WWTR1: variants seen among roughly 807,000 people sequenced by gnomAD.
The protein encoded by WWTR1 is WW domain-containing transcription regulator protein 1.
Under a neutral mutation model 40.1 loss-of-function variants are expected in WWTR1, and 13 were observed. The ratio of observed to expected loss-of-function variants is 0.32; its 90% CI spans 0.21 to 0.52. The LOEUF (loss-of-function observed/expected upper bound fraction) is 0.52. Ranked by LOEUF, WWTR1 falls within the 20% of genes least tolerant of loss-of-function variation. WWTR1 has a pLI of 0.97. For synonymous variants in WWTR1, 230 were observed against 210.1 expected, an observed-to-expected ratio of 1.09 and a Z score of -0.82; for missense variants, 436 against 523.1, an observed-to-expected ratio of 0.83 and a Z score of 1.63.
chr3:149,536,364 A>G (rs1735833456), intron 4 of WWTR1, among the ~76,000 whole-genome samples: 2 of 152,198 alleles, frequency 1.3e-5, no homozygotes, highest in Admixed American at 1.3e-4. Flanking sequence ...AAAGTTAAAT[A>G]GTCCCCTGTT....
Position 149,643,178 on chromosome 3 carries a change from T to A in WWTR1, c.431+13698A>T, listed in dbSNP as rs553126645. ...GGCCTGGCGAACTTACTTGCATTAA[T>A]CTGAGTCCCCTTTGCCAGGTATCAA... On this transcript the variant is annotated intron_variant, in intron 2 of 6. Transcript: ENST00000360632. Among the ~76,000 whole-genome samples, 3 of 152,354 alleles carry A rather than the reference T, an allele frequency of 2.0e-5. No individual in the cohort carries two copies. The East Asian group carries it at 5.8e-4, about 29-fold the overall frequency.
At chr3:149,700,075 G>A (rs1407943188) in intron 1 of WWTR1, among the ~76,000 whole-genome samples, 2 of 152,210 alleles carry the variant, frequency 1.3e-5, no homozygotes, top group Non-Finnish European at 2.9e-5. Flanking sequence ...CTTCTGGTGA[G>A]GGCTTCAGGA....
Position 149,520,534 on chromosome 3 carries a change from C to A in WWTR1, c.*271G>T, listed in dbSNP as rs151257499. ...AGCAGAGAAGAAAGAGAAAAGTATT[C>A]TGCATAATCAATCCTGCAGACACAA... On this transcript the variant is annotated 3_prime_UTR_variant, in exon 7 of 7. Transcript: ENST00000360632. 6.8e-6 allele frequency: 2 copies of A among 294,876 alleles called. No individual in the cohort carries two copies. The highest frequency in any genetic ancestry group is 1.2e-5 in the Non-Finnish European group (2 of 162,188). The allele number at this position is 294,876 out of a possible 1,614,324, so 18.3% of individuals were successfully genotyped here. A position where few individuals can be genotyped will look rare whatever the true frequency, so the allele number is the denominator to read the frequency against.
At chr3:149,595,286 G>GT (rs894230703) in intron 2 of WWTR1, among the ~76,000 whole-genome samples, 16 of 152,014 alleles carry the variant, frequency 1.1e-4, no homozygotes, top group African/African-American at 3.9e-4. Context: ...TTGGAAAAAG[G>GT]TTAACAATTG....
intron 2 of WWTR1, among the ~76,000 whole-genome samples, chr3:149,637,471 T>A (rs1711896615): frequency 6.6e-6 from 1 of 151,974 alleles, no homozygotes; most frequent in African/African-American, 2.4e-5. Flanking sequence ...CCTCAGGTAA[T>A]CCACCCACCT....
At chr3:149,654,012 GTAAT>G (rs1713056266) in intron 2 of WWTR1, among the ~76,000 whole-genome samples, 1 of 152,096 alleles carries the variant, frequency 6.6e-6, no homozygotes, top group African/African-American at 2.4e-5. Context: ...GCTCATGCCT[GTAAT>G]CCAAGCACTT....
Position 149,527,970 on chromosome 3 carries a change from C to T in WWTR1, c.772-1G>A. 6.2e-7 allele frequency: 1 copy of T among 1,613,322 alleles called. No homozygotes were observed. The highest frequency in any genetic ancestry group is 8.5e-7 in the Non-Finnish European group (1 of 1,179,622). ...GGAGCTGTCGACAGAGGGCAGCTTC[C>T]TACAGTCAGAATGGGAAGCAAGAGT... On this transcript the variant is annotated splice_acceptor_variant, in intron 4 of 6. Transcript: ENST00000360632. LOFTEE classifies it high-confidence loss of function.
chr3:149,702,051 T>C (rs1323401854), intron 1 of WWTR1: 3 of 164,046 alleles, frequency 1.8e-5, no homozygotes, highest in South Asian at 4.2e-4. Context: ...ATAAATGAAG[T>C]GGCAGATGTA....
At chr3:149,589,360 T>C (rs912544008) in intron 2 of WWTR1, among the ~76,000 whole-genome samples, 7 of 152,228 alleles carry the variant, frequency 4.6e-5, no homozygotes, top group African/African-American at 1.7e-4. Flanking sequence ...TTTTCTGTTT[T>C]TATCAAAGGA....
intron 2 of WWTR1, among the ~76,000 whole-genome samples, chr3:149,616,323 T>C (rs1213904310): frequency 1.3e-5 from 2 of 152,202 alleles, no homozygotes; most frequent in Non-Finnish European, 1.5e-5. Flanking sequence ...ACCCTATCTT[T>C]AAAAATTCAG....
At chr3:149,644,695 A>C (rs554716016) in intron 2 of WWTR1, among the ~76,000 whole-genome samples, 7 of 152,240 alleles carry the variant, frequency 4.6e-5, no homozygotes, top group Non-Finnish European at 1.0e-4. Flanking sequence ...TGTTTTTATC[A>C]GTCAAGTCAT....
chr3:149,559,293 C>CAAAAAAAAAAAA (rs57470539), intron 3 of WWTR1, among the ~76,000 whole-genome samples: 3 of 58,086 alleles, frequency 5.2e-5, no homozygotes, highest in African/African-American at 1.3e-4. Context: ...GACTCCATCT[C>CAAAAAAAAAAAA]AAAAAAAAAA....
At chr3:149,557,513 T>A (rs73867380) in intron 3 of WWTR1, among the ~76,000 whole-genome samples, 1 of 152,078 alleles carries the variant, frequency 6.6e-6, no homozygotes, top group African/African-American at 2.4e-5. Flanking sequence ...AAAGCCTTTA[T>A]CTCTTGAGTG....
chr3:149,681,564 T>C (rs1302070553), intron 1 of WWTR1, among the ~76,000 whole-genome samples: 1 of 152,212 alleles, frequency 6.6e-6, no homozygotes, highest in Non-Finnish European at 1.5e-5. Flanking sequence ...GAGTTCTTTA[T>C]TTCAGAAATT....
At chr3:149,560,153 T>C (rs1438839348) in intron 3 of WWTR1, among the ~76,000 whole-genome samples, 1 of 151,860 alleles carries the variant, frequency 6.6e-6, no homozygotes, top group Non-Finnish European at 1.5e-5. Context: ...AAGCTAAGAG[T>C]GGAGGATGGA....
At chr3:149,525,318 A>G (rs573565862) in intron 6 of WWTR1, among the ~76,000 whole-genome samples, 3 of 152,318 alleles carry the variant, frequency 2.0e-5, no homozygotes, top group African/African-American at 7.2e-5. Context: ...ACTTTCCAGG[A>G]GAAAGGGTGG....
At chr3:149,710,358 T>C (rs906303334) in intron 5 of WWTR1, among the ~76,000 whole-genome samples, 1 of 152,148 alleles carries the variant, frequency 6.6e-6, no homozygotes, top group African/African-American at 2.4e-5. Flanking sequence ...GGAGACATCA[T>C]TGCAGTTAAG....
At chr3:149,671,004 A>G (rs1240676374) in intron 1 of WWTR1, 3 of 152,234 alleles carry the variant, frequency 2.0e-5, no homozygotes, top group Non-Finnish European at 4.4e-5. Context: ...GGGATTAAGC[A>G]TGACAACGCC....
intron 2 of WWTR1, among the ~76,000 whole-genome samples, chr3:149,650,440 A>G (rs754511705): frequency 1.3e-5 from 2 of 152,196 alleles, no homozygotes; most frequent in Non-Finnish European, 2.9e-5. Context: ...ATGAGGTAAT[A>G]ATATATACCT....
Sources: gnomAD v4.1 joint callset for allele counts (sites outside exome capture counted in the v4.1 genomes callset) on GRCh38, gnomAD v4.1.1 for gene constraint, MANE v1.5 for transcripts, NCBI Gene and HGNC (gene_info 2026-07-23, HGNC 2026-07-21) for gene names.